Variants in RPL22L1 observed in about 807,000 individuals in gnomAD.
RPL22L1 encodes ribosomal protein eL22-like.
Under a neutral mutation model 17.3 loss-of-function variants are expected in RPL22L1, and 19 were observed. The observed-to-expected ratio is 1.10, with a 90% CI of 0.77 to 1.61. RPL22L1 has a LOEUF of 1.61. Ranked by LOEUF, RPL22L1 falls within the 40% of genes most tolerant of loss-of-function variation. The pLI is 0.00. For synonymous variants in RPL22L1, 48 were observed against 48.5 expected (o/e 0.99, Z 0.05); for missense variants, 139 against 144.4 (o/e 0.96, Z 0.19).
intron 1 of RPL22L1, among the ~76,000 whole-genome samples, chr3:170,869,774 G>C (rs1365376035): frequency 2.0e-5 from 3 of 152,134 alleles, no homozygotes; most frequent in Non-Finnish European, 2.9e-5. Flanking sequence ...AAGGTCGTCA[G>C]ACCGGCCCGA....
chr3:170,867,701 G>C (rs762228023), intron 3 of RPL22L1, among the ~76,000 whole-genome samples: 9 of 152,092 alleles, frequency 5.9e-5, no homozygotes, highest in Admixed American at 2.0e-4. Flanking sequence ...GTACACATCA[G>C]ACATGTTTCT....
chr3:170,870,083 G>T, intron 1 of RPL22L1, 76 bp downstream of exon 1: 2 of 1,605,824 alleles, frequency 1.2e-6, no homozygotes, highest in Non-Finnish European at 8.5e-7. Context: ...GTCTCCACTC[G>T]ACAGATGCAA....
At position 170,865,648 on chromosome 3, in the gene RPL22L1, G is replaced by A. The variant is rs1191800534; in HGVS notation, c.*732C>T. The A allele has an allele frequency of 6.6e-6, 1 of 152,166 alleles. No individual in the cohort carries two copies. Among genetic ancestry groups the A allele is most frequent in the East Asian group, 1.9e-4 (1 of 5,198 alleles). The allele number at this position is 152,166 out of a possible 1,614,324, so 9.4% of individuals were successfully genotyped here. ...GTTTCTGGTGCCTACAAAGCAGGTGGTTAGGGCTTTCTAATAAGCAGTTTA... is the reference window on the plus strand; with the variant it reads ...GTTTCTGGTGCCTACAAAGCAGGTGATTAGGGCTTTCTAATAAGCAGTTTA... On this transcript the variant is annotated 3_prime_UTR_variant, in exon 4 of 4. Transcript: ENST00000295830.
rs764632016 is a variant in RPL22L1, at chr3:170,869,940, G to A, written c.9+219C>T. On this transcript the variant is annotated intron_variant, in intron 1 of 3. Coordinates refer to ENST00000295830, the MANE Select transcript of RPL22L1 (RefSeq NM_001099645.2). The stretch of plus-strand genomic sequence containing the variant: ...AAACCACCCATCCTAAACCAATTCC[G>A]GGCCCAGCTCCAACTCCACTAGACC... 2.7e-5 allele frequency: 20 copies of A among 728,436 alleles called. 1 individual carries two copies. The highest frequency in any genetic ancestry group is 2.3e-4 in the Middle Eastern group (1 of 4,378). 45.1% of individuals were successfully genotyped at this position (728,436 alleles called of 1,614,324 possible).
chr3:170,865,856 T>C lies in RPL22L1; in HGVS notation c.*524A>G, dbSNP rs1244367319. The C allele has an allele frequency of 6.6e-6, 1 of 152,424 alleles. No individual in the cohort carries two copies. Among genetic ancestry groups the C allele is most frequent in the Non-Finnish European group, 1.5e-5 (1 of 68,206 alleles). 9.4% of individuals were successfully genotyped at this position (152,424 alleles called of 1,614,324 possible). A position where few individuals can be genotyped will look rare whatever the true frequency, so the allele number is the denominator to read the frequency against. The stretch of plus-strand genomic sequence containing the variant: ...TTTTATACAGCTATATAAAAAATTG[T>C]TCTACAGTAAGATTTCCTGGCCGGG... On this transcript the variant is annotated 3_prime_UTR_variant, in exon 4 of 4. Transcript: ENST00000295830.
rs751063152 is a variant in RPL22L1, at chr3:170,868,278, C to T, written c.102+20G>A. On this transcript the variant is annotated intron_variant, in intron 2 of 3. Coordinates refer to ENST00000295830, the MANE Select transcript of RPL22L1 (RefSeq NM_001099645.2). ...CAATAACTCTGATTACAAAAATAAG[C>T]CGAGTAGAATGATACTTACAAAATT... 6.5e-7 allele frequency: 1 copy of T among 1,533,022 alleles called. No individual in the cohort carries two copies. Among genetic ancestry groups the T allele is most frequent in the Non-Finnish European group, 9.0e-7 (1 of 1,110,016 alleles). The allele number at this position is 1,533,022 out of a possible 1,614,324, so 95.0% of individuals were successfully genotyped here.
At chr3:170,869,433 C>T (rs1711901414) in intron 1 of RPL22L1, among the ~76,000 whole-genome samples, 1 of 152,214 alleles carries the variant, frequency 6.6e-6, no homozygotes, top group African/African-American at 2.4e-5. Context: ...TCTAATGGAA[C>T]AGATAACCCT....
chr3:170,869,124 A>AC (rs1344783306), intron 1 of RPL22L1, among the ~76,000 whole-genome samples: 2 of 151,962 alleles, frequency 1.3e-5, no homozygotes, highest in Admixed American at 6.6e-5. Context: ...AAAAAAAAAA[A>AC]AAAACCTAAA....
intron 1 of RPL22L1, 112 bp downstream of exon 1, chr3:170,870,047 T>TC (rs1711937254): frequency 6.7e-7 from 1 of 1,492,326 alleles, no homozygotes; most frequent in South Asian, 1.2e-5. Context: ...ACTTCACTAC[T>TC]CCCCTCCCTT....
chr3:170,866,266 C>T lies in RPL22L1; in HGVS notation c.*114G>A, dbSNP rs963161819. 2 of 835,620 alleles carry T rather than the reference C, an allele frequency of 2.4e-6. No individual in the cohort carries two copies. Among genetic ancestry groups the T allele is most frequent in the Non-Finnish European group, 1.8e-6 (1 of 562,482 alleles). The allele number at this position is 835,620 out of a possible 1,614,324, so 51.8% of individuals were successfully genotyped here. A position where few individuals can be genotyped will look rare whatever the true frequency, so the allele number is the denominator to read the frequency against. On this transcript the variant is annotated 3_prime_UTR_variant, in exon 4 of 4. Transcript: ENST00000295830. Reference sequence around the variant, plus strand: ...TACTCAAAAAAATGAGACAAAAGTTCAAGAGTATAATATTTTTTATTCACT... The same window carrying T: ...TACTCAAAAAAATGAGACAAAAGTTTAAGAGTATAATATTTTTTATTCACT...
intron 3 of RPL22L1, among the ~76,000 whole-genome samples, 161 bp from the exon 4 acceptor site, chr3:170,866,685 T>C (rs1207367042): frequency 6.6e-6 from 1 of 152,204 alleles, no homozygotes; most frequent in Non-Finnish European, 1.5e-5. Context: ...GTAAGACTGT[T>C]AGGGTAGCAT....
At chr3:170,869,882 T>C (rs1711927141) in intron 1 of RPL22L1, 1 of 607,810 alleles carries the variant, frequency 1.6e-6, no homozygotes, top group South Asian at 1.5e-5. Context: ...CCGGCCCATT[T>C]ACAGTTGTGC....
At chr3:170,869,212 A>T (rs980010292) in intron 1 of RPL22L1, among the ~76,000 whole-genome samples, 1 of 152,230 alleles carries the variant, frequency 6.6e-6, no homozygotes, top group Non-Finnish European at 1.5e-5. Flanking sequence ...ACATAAGCAA[A>T]ATGTTACTGT....
At position 170,869,953 on chromosome 3, in the gene RPL22L1, A is replaced by G. The variant is rs1294201299; in HGVS notation, c.9+206T>C. Reference sequence around the variant, plus strand: ...TAAACCAATTCCGGGCCCAGCTCCAACTCCACTAGACCTCATGGCAGCTGC... The same window carrying G: ...TAAACCAATTCCGGGCCCAGCTCCAGCTCCACTAGACCTCATGGCAGCTGC... On this transcript the variant is annotated intron_variant, in intron 1 of 3. Coordinates refer to ENST00000295830, the MANE Select transcript of RPL22L1 (RefSeq NM_001099645.2). The G allele has an allele frequency of 7.7e-6, 6 of 782,510 alleles. No homozygotes were observed. In the East Asian group the frequency reaches 1.6e-4, roughly 22 times the overall value. 48.5% of individuals were successfully genotyped at this position (782,510 alleles called of 1,614,324 possible). A position where few individuals can be genotyped will look rare whatever the true frequency, so the allele number is the denominator to read the frequency against.
chr3:170,867,564 T>C (rs1390011444), intron 3 of RPL22L1, among the ~76,000 whole-genome samples: 3 of 152,218 alleles, frequency 2.0e-5, no homozygotes, highest in Non-Finnish European at 4.4e-5. Context: ...CCCAGTCCTG[T>C]GCTGCCCATG....
Position 170,867,819 on chromosome 3 carries a change from A to G in RPL22L1, c.224+194T>C, listed in dbSNP as rs143753797. Among the ~76,000 whole-genome samples, 497 of 152,270 alleles carry G rather than the reference A, an allele frequency of 3.3e-3. 7 individuals are homozygous for G. Among genetic ancestry groups the G allele is most frequent in the African/African-American group, 0.011 (448 of 41,532 alleles). ...GGGACTGTGGACACAACTGGCTCAT[A>G]TTCTAGCAATAAATGACACTTACAA... On this transcript the variant is annotated intron_variant, in intron 3 of 3. Transcript: ENST00000295830.
intron 3 of RPL22L1, 67 bp downstream of exon 3, chr3:170,867,946 T>C (rs1711831531): frequency 8.0e-7 from 1 of 1,250,778 alleles, no homozygotes; most frequent in Admixed American, 2.6e-5. Context: ...ATACATGTAA[T>C]AACTACATAT....
At position 170,870,065 on chromosome 3, in the gene RPL22L1, AC is replaced by A. The variant is rs1576777179; in HGVS notation, c.9+93del. The A allele has an allele frequency of 1.9e-6, 3 of 1,572,948 alleles. No homozygotes were observed. In the East Asian group the frequency reaches 6.7e-5, roughly 35 times the overall value. On this transcript the variant is annotated intron_variant, in intron 1 of 3. Coordinates refer to ENST00000295830, the MANE Select transcript of RPL22L1 (RefSeq NM_001099645.2). ...TCACTACTCCCCTCCCTTTATCTTGACTGAGACGTCTCCACTCGACAGATGC... is the reference window on the plus strand; with the variant it reads ...TCACTACTCCCCTCCCTTTATCTTGATGAGACGTCTCCACTCGACAGATGC...
rs148546482 is a variant in RPL22L1 at position 170,868,776 on chromosome 3, A to G, written c.10-386T>C. ...GTCTAGAAAATTCAATTCTTACGTT[A>G]TTATAGGCAAGGGAAGGGGACTTTG... On this transcript the variant is annotated intron_variant, in intron 1 of 3. Transcript: ENST00000295830. Among the ~76,000 whole-genome samples the G allele has an allele frequency of 3.7e-3, 553 of 148,966 alleles. 5 individuals are homozygous for G. Among genetic ancestry groups the G allele is most frequent in the African/African-American group, 0.013 (532 of 40,500 alleles).
Sources: allele counts gnomAD v4.1 joint callset (sites outside exome capture counted in the v4.1 genomes callset), GRCh38; gene constraint gnomAD v4.1.1; transcripts MANE v1.5; gene names NCBI Gene and HGNC (gene_info 2026-07-23, HGNC 2026-07-21).